ZNF516: variants seen among roughly 807,000 people sequenced by gnomAD.
The protein encoded by ZNF516 is zinc finger protein 516.
In ZNF516, 19 loss-of-function variants were observed where a neutral mutation model predicts 79.7. The observed-to-expected ratio is 0.24, with a 90% CI of 0.17 to 0.35. The LOEUF (loss-of-function observed/expected upper bound fraction) is 0.35, where lower values mean the gene tolerates loss of function less well. ZNF516 is among the 10% of genes least tolerant of loss of function. The probability of loss-of-function intolerance (pLI) is 1.00; values close to 1 mark genes in which losing one functional copy is unlikely to be tolerated. For synonymous variants in ZNF516, 877 were observed against 739.5 expected, an observed-to-expected ratio of 1.19 and a Z score of -3.02; for missense variants, 1,678 against 1,679.5, an observed-to-expected ratio of 1.00 and a Z score of 0.02.
At chr18:76,374,668 G>GC (rs1238925571) in intron 4 of ZNF516, among the ~76,000 whole-genome samples, 3 of 152,172 alleles carry the variant, frequency 2.0e-5, no homozygotes, top group Admixed American at 6.5e-5. Context: ...CACAACTATT[G>GC]CATGTACACG....
intron 3 of ZNF516, among the ~76,000 whole-genome samples, chr18:76,392,347 G>A (rs1254647270): frequency 6.6e-6 from 1 of 152,220 alleles, no homozygotes; most frequent in Non-Finnish European, 1.5e-5. Flanking sequence ...AGGCTCTAGG[G>A]TTGGCAAACG....
intron 3 of ZNF516, among the ~76,000 whole-genome samples, chr18:76,383,721 A>C (rs1029941374): frequency 3.3e-5 from 5 of 152,224 alleles, no homozygotes; most frequent in Non-Finnish European, 7.3e-5. Context: ...AGGGCCACTG[A>C]AACAGCAAAA....
At chr18:76,366,367 C>T (rs775461076) in intron 6 of ZNF516, among the ~76,000 whole-genome samples, 10 of 152,172 alleles carry the variant, frequency 6.6e-5, no homozygotes, top group Non-Finnish European at 7.3e-5. Flanking sequence ...GTCTACCAAC[C>T]GGAGGGCTTT....
chr18:76,470,354 C>G lies in ZNF516; in HGVS notation c.-271-7213G>C, dbSNP rs555972236. The stretch of plus-strand genomic sequence containing the variant: ...ATATAGAAAAGTTCCATGAAGGGAA[C>G]ATTTCTACCCAACACAAGTATGCTT... On this transcript the variant is annotated intron_variant, in intron 1 of 6. Coordinates refer to ENST00000443185, the MANE Select transcript of ZNF516 (RefSeq NM_014643.4). 3.9e-5 allele frequency among the ~76,000 whole-genome samples: 6 copies of G among 152,246 alleles called. No individual in the cohort carries two copies. In the South Asian group the frequency reaches 1.2e-3, roughly 32 times the overall value.
At chr18:76,494,892 C>T (rs1179386453) in intron 1 of ZNF516, among the ~76,000 whole-genome samples, 1 of 149,988 alleles carries the variant, frequency 6.7e-6, no homozygotes, top group African/African-American at 2.5e-5. Context: ...CCCGGGCGCT[C>T]GCCCCGCCGC....
intron 1 of ZNF516, among the ~76,000 whole-genome samples, chr18:76,491,376 G>C (rs866170453): frequency 4.9e-5 from 6 of 122,890 alleles, no homozygotes; most frequent in Non-Finnish European, 6.9e-5. Flanking sequence ...CTCCTCCTCC[G>C]GGCCTCGCTC....
chr18:76,446,716 C>A (rs1299575189), intron 2 of ZNF516, among the ~76,000 whole-genome samples: 2 of 152,216 alleles, frequency 1.3e-5, no homozygotes, highest in Non-Finnish European at 2.9e-5. Context: ...GGAGCAGCAT[C>A]CACGATGCTC....
chr18:76,490,384 C>T (rs1410041234), intron 1 of ZNF516, among the ~76,000 whole-genome samples: 5 of 152,068 alleles, frequency 3.3e-5, no homozygotes, highest in South Asian at 2.1e-4. Flanking sequence ...AGTTACCTGA[C>T]GACATAATCA....
Position 76,441,540 on chromosome 18 carries a change from G to A in ZNF516, c.1515C>T (p.Ala505=), listed in dbSNP as rs890595370. The A allele has an allele frequency of 6.4e-6, 10 of 1,562,228 alleles. No individual in the cohort carries two copies. Among genetic ancestry groups the A allele is most frequent in the Non-Finnish European group, 5.2e-6 (6 of 1,157,296 alleles). The change falls in exon 3 of 7, where the codon GCC becomes GCT. Residue 505 remains alanine (A), a synonymous_variant. Coordinates refer to ENST00000443185, the MANE Select transcript of ZNF516 (RefSeq NM_014643.4). ...ACTTGCCCTGGCCGGTGGTGGCTGC[G>A]GCCCTGCGGTTGGGGCGCGCGGCCG... ...PRSAARPNRR[A]AATTGQGKSS... is the part of the protein sequence containing the mutation.
At chr18:76,424,795 G>C (rs1280913918) in intron 3 of ZNF516, among the ~76,000 whole-genome samples, 4 of 116,962 alleles carry the variant, frequency 3.4e-5, no homozygotes, top group East Asian at 2.9e-4. Context: ...CGAAACACAC[G>C]CAGGTGAAAA....
At chr18:76,428,264 G>A (rs1405091516) in intron 3 of ZNF516, among the ~76,000 whole-genome samples, 2 of 151,782 alleles carry the variant, frequency 1.3e-5, no homozygotes, top group Admixed American at 6.6e-5. Flanking sequence ...ATGGTGGCAC[G>A]CACCTGTAGT....
At chr18:76,453,268 T>C (rs1912526508) in intron 2 of ZNF516, among the ~76,000 whole-genome samples, 1 of 152,204 alleles carries the variant, frequency 6.6e-6, no homozygotes, top group Non-Finnish European at 1.5e-5. Context: ...ATTGCTAGTA[T>C]AGTTAATGAT....
At chr18:76,368,390 A>G (rs1445068678) in intron 6 of ZNF516, among the ~76,000 whole-genome samples, 1 of 152,164 alleles carries the variant, frequency 6.6e-6, no homozygotes. Context: ...TGAAAGACAA[A>G]AAGTACCATC....
intron 3 of ZNF516, among the ~76,000 whole-genome samples, chr18:76,433,515 T>C (rs893488836): frequency 6.6e-6 from 1 of 152,290 alleles, no homozygotes; most frequent in Middle Eastern, 3.4e-3. Flanking sequence ...AGGTTTGCAT[T>C]CCACCCTGGG....
chr18:76,418,803 A>C (rs1307364681), intron 3 of ZNF516, among the ~76,000 whole-genome samples: 1 of 152,260 alleles, frequency 6.6e-6, no homozygotes, highest in Non-Finnish European at 1.5e-5. Flanking sequence ...TTTAAAGCCA[A>C]AATTGAACAA....
chr18:76,481,069 G>A (rs1213807567), intron 1 of ZNF516, among the ~76,000 whole-genome samples: 1 of 152,176 alleles, frequency 6.6e-6, no homozygotes, highest in African/African-American at 2.4e-5. Context: ...CTGAGCTGAG[G>A]AGGGTGTGGC....
chr18:76,478,524 T>C (rs1914307184), intron 1 of ZNF516, among the ~76,000 whole-genome samples: 1 of 152,194 alleles, frequency 6.6e-6, no homozygotes, highest in Non-Finnish European at 1.5e-5. Flanking sequence ...AAATAAACAA[T>C]TTTTTAATCT....
At chr18:76,483,876 G>A (rs1914675907) in intron 1 of ZNF516, among the ~76,000 whole-genome samples, 1 of 152,164 alleles carries the variant, frequency 6.6e-6, no homozygotes, top group Non-Finnish European at 1.5e-5. Context: ...GTTCCTCCTT[G>A]AGCGCTGCCA....
intron 2 of ZNF516, among the ~76,000 whole-genome samples, chr18:76,458,559 G>A (rs964995114): frequency 7.2e-5 from 11 of 152,254 alleles, no homozygotes; most frequent in Non-Finnish European, 1.5e-5. Context: ...AGGACCAAGG[G>A]CACAGGAGTA....
Sources: gnomAD v4.1 joint callset for allele counts (sites outside exome capture counted in the v4.1 genomes callset) on GRCh38, gnomAD v4.1.1 for gene constraint, MANE v1.5 for transcripts, NCBI Gene and HGNC (gene_info 2026-07-23, HGNC 2026-07-21) for gene names.